The following PPFIBP1 variants were observed in gnomAD, a reference collection of about 807,000 sequenced individuals.
The protein encoded by PPFIBP1 is liprin-beta-1.
A neutral mutation model predicts 137.8 loss-of-function variants in PPFIBP1; 112 were observed. That is an observed-to-expected ratio of 0.81 (90% CI 0.70 to 0.95). PPFIBP1 has a LOEUF of 0.95. PPFIBP1 is among the 40% of genes least tolerant of loss of function. PPFIBP1 has a pLI of 0.00. For synonymous variants in PPFIBP1, 378 were observed against 417.3 expected (o/e 0.91, Z 1.15); for missense variants, 1,083 against 1,196.6 (o/e 0.91, Z 1.40).
chr12:27,554,406 A>G (rs1232939201), intron 1 of PPFIBP1, among the ~76,000 whole-genome samples: 1 of 152,244 alleles, frequency 6.6e-6, no homozygotes, highest in Non-Finnish European at 1.5e-5. Context: ...CTTATTCAGT[A>G]TTTTTATCAG....
At chr12:27,648,912 A>G (rs552804553) in intron 6 of PPFIBP1, among the ~76,000 whole-genome samples, 350 of 152,304 alleles carry the variant, frequency 2.3e-3, no homozygotes, top group Non-Finnish European at 3.4e-3. Flanking sequence ...AATAGTTTCC[A>G]TGAATAAGGC....
chr12:27,638,664 G>C (rs1296006859), intron 4 of PPFIBP1, among the ~76,000 whole-genome samples: 1 of 152,164 alleles, frequency 6.6e-6, no homozygotes, highest in Non-Finnish European at 1.5e-5. Flanking sequence ...ATGTTTAAGA[G>C]CAACCCTTTG....
intron 2 of PPFIBP1, among the ~76,000 whole-genome samples, chr12:27,618,677 G>A (rs370641861): frequency 2.6e-5 from 4 of 152,192 alleles, no homozygotes; most frequent in Non-Finnish European, 5.9e-5. Context: ...GATGCCTCAC[G>A]TCTCCCTAAA....
chr12:27,685,046 C>T (rs948643423), intron 24 of PPFIBP1, among the ~76,000 whole-genome samples: 3 of 151,974 alleles, frequency 2.0e-5, no homozygotes, highest in Non-Finnish European at 2.9e-5. Context: ...TTGTGACTTA[C>T]GACTTCTGGG....
chr12:27,656,968 G>A (rs1230647145), intron 9 of PPFIBP1: 1 of 357,672 alleles, frequency 2.8e-6, no homozygotes, highest in Non-Finnish European at 5.2e-6. Context: ...GTTTAAGATT[G>A]CTAGACTGTA....
intron 9 of PPFIBP1, 95 bp from the exon 10 acceptor site, chr12:27,658,721 T>G: frequency 7.4e-7 from 1 of 1,352,732 alleles, no homozygotes; most frequent in Middle Eastern, 2.5e-4. Flanking sequence ...TTTCCGTTAT[T>G]TTAGGTAAAA....
intron 1 of PPFIBP1, among the ~76,000 whole-genome samples, chr12:27,554,875 G>T (rs1429270517): frequency 1.3e-5 from 2 of 152,096 alleles, no homozygotes; most frequent in East Asian, 1.9e-4. Flanking sequence ...TGGAAATTGT[G>T]TCCCCTTCGG....
At chr12:27,591,234 A>T (rs2052479934) in intron 2 of PPFIBP1, among the ~76,000 whole-genome samples, 1 of 152,074 alleles carries the variant, frequency 6.6e-6, no homozygotes, top group African/African-American at 2.4e-5. Flanking sequence ...CTGAAGAGTC[A>T]TATGCTTTGC....
chr12:27,670,802 A>ATAATAATAATAG (rs1170790299), intron 13 of PPFIBP1, among the ~76,000 whole-genome samples: 3 of 148,556 alleles, frequency 2.0e-5, no homozygotes, highest in Admixed American at 6.7e-5. Context: ...AAAAATAATA[A>ATAATAATAATAG]TAATAATAAT....
chr12:27,677,946 T>C (rs1454875974), intron 19 of PPFIBP1: 2 of 152,206 alleles, frequency 1.3e-5, no homozygotes, highest in African/African-American at 4.8e-5. Context: ...TATAAATGTC[T>C]AGAATGAACA....
intron 1 of PPFIBP1, among the ~76,000 whole-genome samples, chr12:27,559,944 G>A (rs964790505): frequency 6.6e-6 from 1 of 152,302 alleles, no homozygotes; most frequent in South Asian, 2.1e-4. Context: ...ACAAAACACT[G>A]TAATTGTGAT....
intron 2 of PPFIBP1, among the ~76,000 whole-genome samples, chr12:27,579,583 G>T (rs114376564): frequency 4.6e-5 from 7 of 152,136 alleles, no homozygotes; most frequent in Non-Finnish European, 2.9e-5. Context: ...ACAATATTAT[G>T]TACAATATTT....
At chr12:27,689,385 CAGAT>C (rs978357137) in intron 27 of PPFIBP1, among the ~76,000 whole-genome samples, 182 bp downstream of exon 27, 2 of 151,630 alleles carry the variant, frequency 1.3e-5, no homozygotes, top group South Asian at 2.1e-4. Context: ...AGACAGTTGA[CAGAT>C]AGAGAGCTTT....
At chr12:27,618,520 A>T (rs2056012397) in intron 2 of PPFIBP1, among the ~76,000 whole-genome samples, 1 of 152,234 alleles carries the variant, frequency 6.6e-6, no homozygotes, top group African/African-American at 2.4e-5. Context: ...TATTGATAGT[A>T]AGTCTTTAGA....
intron 2 of PPFIBP1, among the ~76,000 whole-genome samples, chr12:27,628,820 G>T (rs1361449641): frequency 6.6e-6 from 1 of 152,102 alleles, no homozygotes; most frequent in Non-Finnish European, 1.5e-5. Context: ...TCCTAGGAAA[G>T]ACTTAGAGAA....
chr12:27,668,635 A>C (rs2060003222), intron 13 of PPFIBP1, among the ~76,000 whole-genome samples: 1 of 152,226 alleles, frequency 6.6e-6, no homozygotes, highest in Non-Finnish European at 1.5e-5. Context: ...TAATACTTTA[A>C]ACATTTAGAA....
chr12:27,596,490 T>C (rs2053322308), intron 2 of PPFIBP1, among the ~76,000 whole-genome samples: 3 of 152,162 alleles, frequency 2.0e-5, no homozygotes. Flanking sequence ...AGAAGTAACA[T>C]GTTCCCCAGC....
chr12:27,608,226 G>A (rs2138033211), intron 2 of PPFIBP1, among the ~76,000 whole-genome samples: 1 of 152,188 alleles, frequency 6.6e-6, no homozygotes. Context: ...ATGCATTTAG[G>A]AAAACAGGAC....
intron 9 of PPFIBP1, 146 bp from the exon 10 acceptor site, chr12:27,658,670 C>T (rs992465820): frequency 5.3e-6 from 4 of 757,048 alleles, no homozygotes; most frequent in Admixed American, 2.7e-5. Context: ...ACCAATCCTG[C>T]AGTCACAAAA....
Sources: gnomAD v4.1 joint callset for allele counts (sites outside exome capture counted in the v4.1 genomes callset) on GRCh38, gnomAD v4.1.1 for gene constraint, MANE v1.5 for transcripts, NCBI Gene and HGNC (gene_info 2026-07-23, HGNC 2026-07-21) for gene names.